Variants in EPHB1 observed in about 807,000 individuals in gnomAD.
EPHB1 encodes the protein ephrin type-B receptor 1.
In EPHB1, 30 loss-of-function variants were observed where a neutral mutation model predicts 94.4. The ratio of observed to expected loss-of-function variants is 0.32; its 90% CI spans 0.24 to 0.43. The LOEUF (loss-of-function observed/expected upper bound fraction) is 0.43, where lower values mean the gene tolerates loss of function less well. Ranked by LOEUF, EPHB1 falls within the 20% of genes least tolerant of loss-of-function variation. EPHB1 has a pLI of 1.00. For synonymous variants in EPHB1, 522 were observed against 489.1 expected, an observed-to-expected ratio of 1.07 and a Z score of -0.89; for missense variants, 1,055 against 1,308.3, an observed-to-expected ratio of 0.81 and a Z score of 2.99.
At position 134,970,844 on chromosome 3, in the gene EPHB1, C is replaced by A. The variant is rs562137709; in HGVS notation, c.805+18792C>A. ...TGCTCCGAAGCTCTTCTCTCACTCA[C>A]CCGCCTACCATATTGAATGAGGCTA... is the stretch of plus-strand genomic sequence containing the variant. On this transcript the variant is annotated intron_variant, in intron 3 of 15. Transcript: ENST00000398015. Among the ~76,000 whole-genome samples the A allele has an allele frequency of 1.7e-4, 26 of 152,348 alleles. No individual in the cohort carries two copies. The South Asian group carries it at 2.7e-3, about 16-fold the overall frequency.
intron 12 of EPHB1, among the ~76,000 whole-genome samples, chr3:135,224,401 A>G (rs950927405): frequency 5.9e-5 from 9 of 152,214 alleles, no homozygotes; most frequent in Admixed American, 5.9e-4. Context: ...ATTCTTGGCT[A>G]TAATCCTACA....
intron 3 of EPHB1, among the ~76,000 whole-genome samples, chr3:135,047,966 A>G (rs1937050466): frequency 6.6e-6 from 1 of 152,210 alleles, no homozygotes; most frequent in Non-Finnish European, 1.5e-5. Flanking sequence ...CCTGCCATAG[A>G]TGAAAGATGG....
At chr3:134,821,073 A>G (rs2036370467) in intron 1 of EPHB1, among the ~76,000 whole-genome samples, 1 of 152,182 alleles carries the variant, frequency 6.6e-6, no homozygotes. Context: ...GAATGAAGGC[A>G]GGCTAAAGAC....
At chr3:135,202,605 G>C (rs1163619343) in intron 12 of EPHB1, among the ~76,000 whole-genome samples, 1 of 152,094 alleles carries the variant, frequency 6.6e-6, no homozygotes, top group Non-Finnish European at 1.5e-5. Flanking sequence ...CTGTCTATCT[G>C]TCTATCCTCT....
intron 1 of EPHB1, among the ~76,000 whole-genome samples, chr3:134,852,982 G>A (rs569517077): frequency 6.6e-6 from 1 of 152,164 alleles, no homozygotes; most frequent in Non-Finnish European, 1.5e-5. Context: ...TCAGAGGGCA[G>A]GTGGGGTCAC....
At chr3:134,995,252 C>CT (rs1934951933) in intron 3 of EPHB1, among the ~76,000 whole-genome samples, 1 of 151,906 alleles carries the variant, frequency 6.6e-6, no homozygotes, top group Non-Finnish European at 1.5e-5. Context: ...CAGGGATGGG[C>CT]TTTTTTTTCA....
intron 3 of EPHB1, among the ~76,000 whole-genome samples, chr3:135,105,344 T>C (rs1275555577): frequency 6.6e-6 from 1 of 152,180 alleles, no homozygotes; most frequent in Admixed American, 6.5e-5. Flanking sequence ...TTGAATGAAG[T>C]AATGAGGTGT....
chr3:134,969,341 T>G (rs1933885838), intron 3 of EPHB1, among the ~76,000 whole-genome samples: 1 of 152,224 alleles, frequency 6.6e-6, no homozygotes, highest in Non-Finnish European at 1.5e-5. Context: ...TTCTAGGTTT[T>G]TGCCCAAGTT....
intron 4 of EPHB1, among the ~76,000 whole-genome samples, chr3:135,122,637 AAAC>A (rs965064928): frequency 1.6e-4 from 25 of 152,184 alleles, no homozygotes; most frequent in Non-Finnish European, 3.2e-4. Flanking sequence ...AGCCTCAAGG[AAAC>A]CTAGACTCTC....
At chr3:135,044,341 C>T (rs1936934698) in intron 3 of EPHB1, among the ~76,000 whole-genome samples, 1 of 152,196 alleles carries the variant, frequency 6.6e-6, no homozygotes, top group African/African-American at 2.4e-5. Context: ...CAGGGAGTGG[C>T]TCTGCCTACA....
At chr3:135,240,971 G>A (rs1381589558) in intron 12 of EPHB1, among the ~76,000 whole-genome samples, 177 bp from the exon 13 acceptor site, 1 of 152,144 alleles carries the variant, frequency 6.6e-6, no homozygotes, top group East Asian at 1.9e-4. Flanking sequence ...GTCACCTTGA[G>A]CTTCTCTAAC....
intron 1 of EPHB1, among the ~76,000 whole-genome samples, chr3:134,911,524 T>C (rs1228401480): frequency 1.3e-5 from 2 of 151,730 alleles, no homozygotes; most frequent in East Asian, 3.9e-4. Context: ...TGGGTAGAAG[T>C]CTGGGGGCTG....
chr3:135,065,151 C>T (rs2107778892), intron 3 of EPHB1, among the ~76,000 whole-genome samples: 1 of 152,156 alleles, frequency 6.6e-6, no homozygotes, highest in Non-Finnish European at 1.5e-5. Context: ...AAGTTCCGTG[C>T]ACTGTTGAAT....
intron 3 of EPHB1, among the ~76,000 whole-genome samples, chr3:135,104,335 G>T (rs896070645): frequency 6.6e-6 from 1 of 152,240 alleles, no homozygotes; most frequent in South Asian, 2.1e-4. Context: ...GGGAAAGATG[G>T]ATTAGTAAGC....
chr3:135,042,845 T>G (rs2107766905), intron 3 of EPHB1, among the ~76,000 whole-genome samples: 1 of 152,248 alleles, frequency 6.6e-6, no homozygotes, highest in Admixed American at 6.5e-5. Flanking sequence ...TTATTTTTTA[T>G]TTTTTATTTT....
At chr3:135,163,377 T>C (rs1941565115) in intron 7 of EPHB1, among the ~76,000 whole-genome samples, 1 of 152,190 alleles carries the variant, frequency 6.6e-6, no homozygotes, top group Non-Finnish European at 1.5e-5. Context: ...CTAACCTGGA[T>C]ACTTTGATGT....
intron 3 of EPHB1, among the ~76,000 whole-genome samples, chr3:134,958,714 C>T (rs993620593): frequency 2.6e-5 from 4 of 152,122 alleles, no homozygotes; most frequent in Non-Finnish European, 4.4e-5. Flanking sequence ...CATGGCGGCC[C>T]TACCCAGCGA....
chr3:134,804,071 A>ATTTTTTTTTTTTTTTTTTTTTTTTTTTTT (rs572201781), intron 1 of EPHB1, among the ~76,000 whole-genome samples: 1 of 43,750 alleles, frequency 2.3e-5, no homozygotes, highest in Non-Finnish European at 4.1e-5. Flanking sequence ...ATTATTGGCT[A>ATTTTTTTTTTTTTTTTTTTTTTTTTTTTT]TTTTTTTTTT....
intron 1 of EPHB1, among the ~76,000 whole-genome samples, chr3:134,871,643 C>A (rs1332193059): frequency 1.3e-5 from 2 of 152,090 alleles, no homozygotes; most frequent in Non-Finnish European, 2.9e-5. Context: ...GTGATCTCAG[C>A]CAATCTTGGG....
Sources: gnomAD v4.1 joint callset for allele counts (sites outside exome capture counted in the v4.1 genomes callset) on GRCh38, gnomAD v4.1.1 for gene constraint, MANE v1.5 for transcripts, NCBI Gene and HGNC (gene_info 2026-07-23, HGNC 2026-07-21) for gene names.